The following AKAP19 variants were observed in gnomAD, a reference collection of about 807,000 sequenced individuals.
The protein encoded by AKAP19 is small A-kinase anchoring protein.
At chr2:190,032,624 C>T in the AKAP19 span, among the ~76,000 whole-genome samples, 1 of 152,058 alleles carries the variant, frequency 6.6e-6, no homozygotes, top group East Asian at 1.9e-4. Context: ...AAAGTGTGTT[C>T]GGTCCTGTTC....
At chr2:189,988,579 A>G in the AKAP19 span, among the ~76,000 whole-genome samples, 258 of 152,340 alleles carry the variant, frequency 1.7e-3, 1 homozygote, top group African/African-American at 5.7e-3. Flanking sequence ...AGAATCTTGC[A>G]TCTTCTAGAT....
At chr2:190,129,007 T>C in the AKAP19 span, among the ~76,000 whole-genome samples, 17 of 152,322 alleles carry the variant, frequency 1.1e-4, no homozygotes, top group African/African-American at 4.1e-4. Context: ...TATATGTGTA[T>C]ACCTGTGTTT....
chr2:190,027,157 A>G, the AKAP19 span, among the ~76,000 whole-genome samples: 1 of 152,120 alleles, frequency 6.6e-6, no homozygotes, highest in African/African-American at 2.4e-5. Flanking sequence ...ACCCAACACC[A>G]TTTGTTAAAA....
the AKAP19 span, among the ~76,000 whole-genome samples, chr2:190,166,317 C>CTTTTTTTTTTTTTT: frequency 4.3e-4 from 28 of 65,298 alleles, 3 homozygotes; most frequent in African/African-American, 1.7e-3. Flanking sequence ...AAAATCCACT[C>CTTTTTTTTTTTTTT]TTTTTTTTTT....
At chr2:190,007,456 G>A in the AKAP19 span, among the ~76,000 whole-genome samples, 2 of 152,150 alleles carry the variant, frequency 1.3e-5, no homozygotes, top group Non-Finnish European at 2.9e-5. Context: ...TCTGTTTTCT[G>A]TATGTTATGG....
At chr2:190,140,987 T>C in the AKAP19 span, among the ~76,000 whole-genome samples, 4 of 152,268 alleles carry the variant, frequency 2.6e-5, no homozygotes, top group East Asian at 7.7e-4. Context: ...GTTCTGCAGA[T>C]CTCTAGGGCA....
the AKAP19 span, among the ~76,000 whole-genome samples, chr2:189,904,576 T>A: frequency 2.0e-5 from 3 of 152,054 alleles, no homozygotes; most frequent in African/African-American, 7.2e-5. Context: ...CATTATCGTT[T>A]TGAGGACAAA....
the AKAP19 span, among the ~76,000 whole-genome samples, chr2:189,914,022 C>G: frequency 6.6e-6 from 1 of 151,968 alleles, no homozygotes; most frequent in South Asian, 2.1e-4. Flanking sequence ...CACTTTACAC[C>G]TGTTAGTGTG....
At chr2:190,117,996 A>G in the AKAP19 span, among the ~76,000 whole-genome samples, 25 of 152,216 alleles carry the variant, frequency 1.6e-4, no homozygotes, top group African/African-American at 6.0e-4. Context: ...AAGAAGAAAA[A>G]AGAATCAAAT....
chr2:190,022,157 C>T, the AKAP19 span, among the ~76,000 whole-genome samples: 1 of 152,100 alleles, frequency 6.6e-6, no homozygotes, highest in African/African-American at 2.4e-5. Context: ...CTTAAAGGCC[C>T]CCCTTTTCAG....
the AKAP19 span, among the ~76,000 whole-genome samples, chr2:189,913,104 AATATAG>A: frequency 1.3e-5 from 2 of 152,134 alleles, no homozygotes; most frequent in Non-Finnish European, 2.9e-5. Flanking sequence ...TATATATTAA[AATATAG>A]ATATAGTCTC....
At chr2:189,913,660 C>T in the AKAP19 span, among the ~76,000 whole-genome samples, 1 of 152,040 alleles carries the variant, frequency 6.6e-6, no homozygotes, top group Non-Finnish European at 1.5e-5. Context: ...TAAGCTCAAA[C>T]TTCATTATCA....
chr2:190,113,502 T>C, the AKAP19 span, among the ~76,000 whole-genome samples: 2 of 152,142 alleles, frequency 1.3e-5, no homozygotes, highest in African/African-American at 4.8e-5. Context: ...TTGTCTCAAC[T>C]GCACTATGGA....
chr2:189,982,680 C>A, the AKAP19 span, among the ~76,000 whole-genome samples: 1 of 128,956 alleles, frequency 7.8e-6, no homozygotes, highest in Admixed American at 7.7e-5. Context: ...TTTTTTTTTA[C>A]ATTTTTTAAT....
At chr2:190,153,199 GC>G in the AKAP19 span, among the ~76,000 whole-genome samples, 2 of 152,032 alleles carry the variant, frequency 1.3e-5, no homozygotes, top group African/African-American at 4.8e-5. Flanking sequence ...CCGGCCACTT[GC>G]CCATTATTTC....
chr2:189,994,159 T>C, the AKAP19 span, among the ~76,000 whole-genome samples: 2 of 151,804 alleles, frequency 1.3e-5, no homozygotes, highest in Admixed American at 1.3e-4. Flanking sequence ...TACAGGCACC[T>C]GCCACCACGC....
the AKAP19 span, among the ~76,000 whole-genome samples, chr2:190,020,227 G>A: frequency 2.6e-5 from 4 of 152,140 alleles, no homozygotes; most frequent in African/African-American, 9.7e-5. Context: ...AGATGAAAAT[G>A]TAATGAAAAC....
the AKAP19 span, among the ~76,000 whole-genome samples, chr2:189,994,303 C>T: frequency 4.9e-4 from 74 of 152,000 alleles, 1 homozygote; most frequent in South Asian, 0.015. Context: ...TGAGCTGCCG[C>T]GCCCAGCCTG....
chr2:190,057,566 C>T, the AKAP19 span: 7 of 1,613,422 alleles, frequency 4.3e-6, no homozygotes, highest in Non-Finnish European at 5.9e-6. Context: ...GTTGAGTGCT[C>T]ATCACAGTCA....
Sources: allele counts gnomAD v4.1 joint callset (sites outside exome capture counted in the v4.1 genomes callset), GRCh38; gene constraint gnomAD v4.1.1; transcripts MANE v1.5; gene names NCBI Gene and HGNC (gene_info 2026-07-23, HGNC 2026-07-21).